The following KCNB2 variants were observed in gnomAD, a reference collection of about 807,000 sequenced individuals.
KCNB2 encodes the protein delayed rectifier potassium channel protein.
In KCNB2, 15 loss-of-function variants were observed where a neutral mutation model predicts 61.5. That is an observed-to-expected ratio of 0.24 (90% CI 0.16 to 0.38). The LOEUF (loss-of-function observed/expected upper bound fraction) is 0.38, where lower values mean the gene tolerates loss of function less well. Among genes scored for constraint, KCNB2 ranks in the 10% least tolerant of loss-of-function variants. The pLI, the probability that KCNB2 is intolerant of heterozygous loss-of-function variation, is 1.00. For missense variants in KCNB2, 828 were observed against 1,125.2 expected, an observed-to-expected ratio of 0.74 and a Z score of 3.78; for synonymous variants, 457 against 446.0, an observed-to-expected ratio of 1.02 and a Z score of -0.31.
chr8:72,692,435 T>G (rs935453229), intron 2 of KCNB2, among the ~76,000 whole-genome samples: 2 of 152,170 alleles, frequency 1.3e-5, no homozygotes, highest in Non-Finnish European at 2.9e-5. Flanking sequence ...GTGGGAAGAA[T>G]GGACAGGTTC....
chr8:72,648,211 C>T (rs1806161314), intron 2 of KCNB2, among the ~76,000 whole-genome samples: 1 of 152,116 alleles, frequency 6.6e-6, no homozygotes, highest in African/African-American at 2.4e-5. Context: ...AATATAGTGA[C>T]AGATGCAGGG....
intron 2 of KCNB2, among the ~76,000 whole-genome samples, chr8:72,889,169 A>G (rs924260755): frequency 2.1e-4 from 32 of 152,182 alleles, no homozygotes; most frequent in African/African-American, 7.7e-4. Flanking sequence ...ACCACATTGC[A>G]TGGTTGGAAA....
chr8:72,922,789 C>T (rs1487814558), intron 2 of KCNB2, among the ~76,000 whole-genome samples: 3 of 152,160 alleles, frequency 2.0e-5, no homozygotes, highest in African/African-American at 4.8e-5. Flanking sequence ...CCAAAGGGAT[C>T]TGTAAACCAA....
chr8:72,797,741 A>G (rs1809054603), intron 2 of KCNB2, among the ~76,000 whole-genome samples: 1 of 152,164 alleles, frequency 6.6e-6, no homozygotes, highest in Non-Finnish European at 1.5e-5. Flanking sequence ...GAACTAGATT[A>G]TGATTATGCC....
chr8:72,714,035 C>A (rs1807374429), intron 2 of KCNB2, among the ~76,000 whole-genome samples: 1 of 152,050 alleles, frequency 6.6e-6, no homozygotes, highest in African/African-American at 2.4e-5. Context: ...GTAACCGATG[C>A]AATCAACTGG....
At chr8:72,554,344 A>G (rs922391008) in intron 1 of KCNB2, among the ~76,000 whole-genome samples, 4 of 152,076 alleles carry the variant, frequency 2.6e-5, no homozygotes, top group African/African-American at 7.2e-5. Flanking sequence ...CGTATTTCTT[A>G]TTTATATTTT....
At chr8:72,882,528 A>G (rs926622361) in intron 2 of KCNB2, among the ~76,000 whole-genome samples, 5 of 149,054 alleles carry the variant, frequency 3.4e-5, no homozygotes, top group Non-Finnish European at 1.5e-5. Flanking sequence ...GTTGAGAGAG[A>G]GAGAGAGAGA....
At chr8:72,728,052 G>C (rs1332767837) in intron 2 of KCNB2, among the ~76,000 whole-genome samples, 1 of 152,160 alleles carries the variant, frequency 6.6e-6, no homozygotes, top group Non-Finnish European at 1.5e-5. Context: ...TCTCCTTGTT[G>C]GGTAACTTGT....
At chr8:72,611,842 C>T (rs1805546777) in intron 2 of KCNB2, among the ~76,000 whole-genome samples, 1 of 151,908 alleles carries the variant, frequency 6.6e-6, no homozygotes, top group African/African-American at 2.4e-5. Context: ...CTTAAGAAAC[C>T]CATTTTTTTT....
chr8:72,777,487 C>CAGA (rs1808675530), intron 2 of KCNB2, among the ~76,000 whole-genome samples: 1 of 152,106 alleles, frequency 6.6e-6, no homozygotes, highest in Admixed American at 6.6e-5. Context: ...CCTAAGGGTT[C>CAGA]AATGTGCCTT....
At chr8:72,888,917 GCTGCTA>G (rs933344368) in intron 2 of KCNB2, among the ~76,000 whole-genome samples, 1 of 152,186 alleles carries the variant, frequency 6.6e-6, no homozygotes, top group African/African-American at 2.4e-5. Flanking sequence ...GCCATCTGCT[GCTGCTA>G]CTGCTCTTAT....
At chr8:72,548,339 T>C (rs531123237) in intron 1 of KCNB2, among the ~76,000 whole-genome samples, 1 of 152,268 alleles carries the variant, frequency 6.6e-6, no homozygotes, top group South Asian at 2.1e-4. Context: ...AAATGAACAA[T>C]GGGAGACATA....
chr8:72,881,478 T>A, intron 2 of KCNB2: 1 of 7,860 alleles, frequency 1.3e-4, no homozygotes, highest in East Asian at 4.9e-4. Flanking sequence ...CACTCCCTAG[T>A]GAGATGAACC....
intron 2 of KCNB2, among the ~76,000 whole-genome samples, chr8:72,676,384 C>G (rs562377331): frequency 6.6e-6 from 1 of 151,846 alleles, no homozygotes; most frequent in East Asian, 1.9e-4. Context: ...CCAAAAGCAT[C>G]GTGGAAAGAC....
At chr8:72,668,156 T>A (rs1806508222) in intron 2 of KCNB2, among the ~76,000 whole-genome samples, 1 of 152,222 alleles carries the variant, frequency 6.6e-6, no homozygotes. Context: ...TAGCACTTAA[T>A]TCTCCCAGCA....
chr8:72,887,993 T>C (rs116749954), intron 2 of KCNB2, among the ~76,000 whole-genome samples: 2,246 of 152,344 alleles, frequency 0.015, 53 homozygotes, highest in African/African-American at 0.051. Flanking sequence ...GTGTGTCTTG[T>C]CTCCCCAAGA....
chr8:72,936,962 G>A lies in KCNB2; in HGVS notation c.1607G>A (p.Ser536Asn). 6.2e-7 allele frequency: 1 copy of A among 1,614,196 alleles called. No individual in the cohort carries two copies. Among genetic ancestry groups the A allele is most frequent in the Non-Finnish European group, 8.5e-7 (1 of 1,180,030 alleles). Residue 536 changes from serine (S) to asparagine (N), a missense_variant, in exon 3 of 3, where the codon AGT (serine) becomes AAT (asparagine). Physicochemically the swap from Ser to Asn is conservative, Grantham distance 46. Around this residue, in one of 4 missense-constraint regions of KCNB2, gnomAD observed 559 missense variants for 588.4 expected, o/e 0.95. Coordinates refer to ENST00000523207, the MANE Select transcript of KCNB2 (RefSeq NM_004770.3). This position sits in a 1 kb window ranked among gnomAD's most constrained non-coding sequence, Gnocchi z 5.6. ...TCTTCCTCCAGCCCACAGCATCTGA[G>A]TGCCCAGAAACTGGAGATGCTATAC... ...NTSSSSPQHL[S>N]AQKLEMLYNE...
At chr8:72,566,721 AAAAAG>A (rs953241369) in intron 1 of KCNB2, among the ~76,000 whole-genome samples, 12 of 151,972 alleles carry the variant, frequency 7.9e-5, no homozygotes, top group Admixed American at 1.3e-4. Flanking sequence ...AAAAAAAAAA[AAAAAG>A]AAAGAAAGGA....
chr8:72,576,015 T>C (rs1045073591), intron 2 of KCNB2, among the ~76,000 whole-genome samples: 23 of 152,214 alleles, frequency 1.5e-4, no homozygotes, highest in African/African-American at 5.3e-4. Context: ...CCATTTGAAT[T>C]GATCATTCGG....
Sources: gnomAD v4.1 joint callset for allele counts (sites outside exome capture counted in the v4.1 genomes callset) on GRCh38, gnomAD v4.1.1 for gene constraint, gnomAD v4.1.1 regional missense constraint, Gnocchi (gnomAD v3.1) non-coding constraint, MANE v1.5 for transcripts, NCBI Gene and HGNC (gene_info 2026-07-23, HGNC 2026-07-21) for gene names.